Variants in GMPS observed in about 807,000 individuals in gnomAD.
GMPS encodes the protein GMP synthase [glutamine-hydrolyzing].
In GMPS, 15 loss-of-function variants were observed where a neutral mutation model predicts 77.9. That is an observed-to-expected ratio of 0.19 (90% CI 0.13 to 0.30). The LOEUF is 0.30. GMPS is among the 10% of genes least tolerant of loss of function. The pLI, the probability that GMPS is intolerant of heterozygous loss-of-function variation, is 1.00. For synonymous variants in GMPS, 224 were observed against 275.9 expected, an observed-to-expected ratio of 0.81 and a Z score of 1.86; for missense variants, 590 against 838.8, an observed-to-expected ratio of 0.70 and a Z score of 3.66.
At chr3:155,881,571 G>T (rs985133811) in intron 1 of GMPS, among the ~76,000 whole-genome samples, 5 of 152,194 alleles carry the variant, frequency 3.3e-5, no homozygotes, top group Non-Finnish European at 7.3e-5. Context: ...TGGCATTTCA[G>T]TTAGCTATTG....
rs745443042 is a variant in GMPS at position 155,914,489 on chromosome 3, A to C, written c.957A>C (p.Pro319=). ...CAATATCAGATGAAGATAGAACCCC[A>C]CGGAAAAGAATTAGCAAAACGTTAA... ...TLPISDEDRT[P]RKRISKTLNM... Residue 319 remains proline, a synonymous_variant, in exon 8 of 16, where the codon CCA becomes CCC. Transcript: ENST00000496455. 1 of 1,605,642 alleles carries C rather than the reference A, an allele frequency of 6.2e-7. No individual in the cohort carries two copies. The highest frequency in any genetic ancestry group is 8.5e-7 in the Non-Finnish European group (1 of 1,176,116).
intron 7 of GMPS, among the ~76,000 whole-genome samples, chr3:155,913,232 C>T (rs1219735523): frequency 1.3e-5 from 2 of 152,196 alleles, no homozygotes; most frequent in Non-Finnish European, 2.9e-5. Context: ...GGCTTTTCCA[C>T]AATGAAATAG....
intron 5 of GMPS, among the ~76,000 whole-genome samples, chr3:155,906,643 A>G (rs1454490091): frequency 6.6e-6 from 1 of 152,156 alleles, no homozygotes; most frequent in Non-Finnish European, 1.5e-5. Flanking sequence ...TACATAGCCC[A>G]TAGCACCCAA....
intron 2 of GMPS, chr3:155,895,290 C>T (rs1006807066): frequency 1.3e-5 from 2 of 151,938 alleles, no homozygotes; most frequent in East Asian, 1.9e-4. Flanking sequence ...ACATCTTAAC[C>T]TACCTATTTT....
At chr3:155,933,707 A>G (rs1755689006) in intron 13 of GMPS, among the ~76,000 whole-genome samples, 1 of 152,120 alleles carries the variant, frequency 6.6e-6, no homozygotes, top group Non-Finnish European at 1.5e-5. Flanking sequence ...TTCCGGGGAG[A>G]TTTATTTTCT....
At chr3:155,898,795 G>T (rs1754661615) in intron 3 of GMPS, among the ~76,000 whole-genome samples, 1 of 152,230 alleles carries the variant, frequency 6.6e-6, no homozygotes, top group African/African-American at 2.4e-5. Context: ...GTGCTTCTCA[G>T]AGCATCTTAT....
rs1210854348 is a variant in GMPS, at chr3:155,938,436, A to T, written c.*744A>T. 1.4e-5 allele frequency: 3 copies of T among 212,640 alleles called. No homozygotes were observed. The highest frequency in any genetic ancestry group is 2.9e-5 in the Non-Finnish European group (3 of 104,974). 13.2% of individuals were successfully genotyped at this position (212,640 alleles called of 1,614,324 possible). On this transcript the variant is annotated 3_prime_UTR_variant, in exon 16 of 16. Coordinates refer to ENST00000496455, the MANE Select transcript of GMPS (RefSeq NM_003875.3). ...TAAGGAGCTTTATCCTCCTAGCCTT[A>T]TATTACCAGCCCCCCACAGCCTTGC...
intron 9 of GMPS, among the ~76,000 whole-genome samples, chr3:155,918,573 C>G (rs993101119): frequency 1.3e-5 from 2 of 152,062 alleles, no homozygotes; most frequent in Non-Finnish European, 2.9e-5. Context: ...TGCTTATTGG[C>G]CATTTGTGTA....
At chr3:155,876,631 G>A (rs1754055531) in intron 1 of GMPS, among the ~76,000 whole-genome samples, 1 of 152,176 alleles carries the variant, frequency 6.6e-6, no homozygotes, top group Non-Finnish European at 1.5e-5. Flanking sequence ...TGTACATCAG[G>A]AGAGTCCTGG....
At chr3:155,924,955 A>G (rs1378938960) in intron 11 of GMPS, among the ~76,000 whole-genome samples, 3 of 152,240 alleles carry the variant, frequency 2.0e-5, no homozygotes, top group Non-Finnish European at 4.4e-5. Context: ...GGCAAAAAGC[A>G]TTAAGATAAT....
In GMPS at chr3:155,910,397, A is replaced by G. The variant is rs1224257572; in HGVS notation, c.527-295A>G. 3.3e-5 allele frequency among the ~76,000 whole-genome samples: 5 copies of G among 151,762 alleles called. No individual in the cohort carries two copies. The East Asian group carries it at 5.9e-4, about 18-fold the overall frequency. On this transcript the variant is annotated intron_variant, in intron 5 of 15. Transcript: ENST00000496455. ...CACCAGGCCAACATAGTGAAACCCT[A>G]TCTCTACTAGAAATACAAAAAATCA...
intron 7 of GMPS, among the ~76,000 whole-genome samples, chr3:155,912,960 C>T (rs376973701): frequency 6.6e-5 from 10 of 152,218 alleles, no homozygotes; most frequent in African/African-American, 2.2e-4. Context: ...TGCTCTCCTT[C>T]CCCATCAGAA....
chr3:155,881,156 T>G (rs1234432398), intron 1 of GMPS, among the ~76,000 whole-genome samples: 2 of 150,066 alleles, frequency 1.3e-5, no homozygotes, highest in African/African-American at 4.9e-5. Flanking sequence ...ATGGATGCTT[T>G]GATATTAGTT....
At chr3:155,895,914 C>A (rs1235640443) in intron 2 of GMPS, among the ~76,000 whole-genome samples, 1 of 151,690 alleles carries the variant, frequency 6.6e-6, no homozygotes, top group Non-Finnish European at 1.5e-5. Flanking sequence ...TGGTGGTTAT[C>A]CTTTGTGAAA....
intron 12 of GMPS, among the ~76,000 whole-genome samples, chr3:155,929,309 G>C (rs1755540919): frequency 6.6e-6 from 1 of 151,890 alleles, no homozygotes; most frequent in Non-Finnish European, 1.5e-5. Flanking sequence ...ATTTTTTCAT[G>C]TGTTTTTTGG....
chr3:155,871,159 T>C (rs1753895430), intron 1 of GMPS, among the ~76,000 whole-genome samples: 1 of 151,896 alleles, frequency 6.6e-6, no homozygotes, highest in South Asian at 2.1e-4. Flanking sequence ...GCCGCGTCGC[T>C]GGCCCCCGCC....
At chr3:155,930,655 A>G (rs939203160) in intron 12 of GMPS, among the ~76,000 whole-genome samples, 1 of 152,152 alleles carries the variant, frequency 6.6e-6, no homozygotes, top group South Asian at 2.1e-4. Context: ...AACTCAAACA[A>G]ATTTACAAGA....
chr3:155,921,377 ATAAG>A (rs1560050100), intron 10 of GMPS, among the ~76,000 whole-genome samples: 2 of 152,230 alleles, frequency 1.3e-5, no homozygotes, highest in African/African-American at 4.8e-5. Context: ...AAGCTGGATG[ATAAG>A]TAAGGTAGTT....
In GMPS at chr3:155,940,177, A is replaced by G. The variant is rs970853734; in HGVS notation, c.*2485A>G. 7 of 199,550 alleles carry G rather than the reference A, an allele frequency of 3.5e-5. No individual in the cohort carries two copies. The highest frequency in any genetic ancestry group is 6.2e-5 in the Non-Finnish European group (6 of 96,750). The allele number at this position is 199,550 out of a possible 1,614,324, so 12.4% of individuals were successfully genotyped here. A position where few individuals can be genotyped will look rare whatever the true frequency, so the allele number is the denominator to read the frequency against. On this transcript the variant is annotated 3_prime_UTR_variant, in exon 16 of 16. Coordinates refer to ENST00000496455, the MANE Select transcript of GMPS (RefSeq NM_003875.3). ...GATTAAATATATTCTTTTTCTTTGT[A>G]CTTTTTAGGTAGACAGAGAATGTAG...
Sources: allele counts gnomAD v4.1 joint callset (sites outside exome capture counted in the v4.1 genomes callset), GRCh38; gene constraint gnomAD v4.1.1; transcripts MANE v1.5; gene names NCBI Gene and HGNC (gene_info 2026-07-23, HGNC 2026-07-21).